The following RGL3 variants were observed in gnomAD, a reference collection of about 807,000 sequenced individuals.
RGL3 encodes the protein ral guanine nucleotide dissociation stimulator like 3, also known as ral guanine nucleotide dissociation stimulator-like 3.
RGL3 carries 85 observed loss-of-function variants against 90.6 expected under a neutral mutation model. The observed-to-expected ratio is 0.94, with a 90% confidence interval of 0.79 to 1.12. The LOEUF is 1.12. Ranked by LOEUF, RGL3 falls within the 50% of genes most tolerant of loss-of-function variation. The pLI, the probability that RGL3 is intolerant of heterozygous loss-of-function variation, is 0.00. For missense variants in RGL3, 1,034 were observed against 939.2 expected (o/e 1.10, Z -1.32); for synonymous variants, 408 against 385.5 (o/e 1.06, Z -0.68).
chr19:11,418,488 T>C (rs1261429231), intron 2 of RGL3, 183 bp downstream of exon 2: 5 of 571,702 alleles, frequency 8.7e-6, no homozygotes, highest in Non-Finnish European at 1.2e-5. Flanking sequence ...CCCCATTCCC[T>C]GGATCTCCCC....
chr19:11,419,104 G>A (rs1015089486), intron 1 of RGL3, 142 bp downstream of exon 1: 18 of 900,412 alleles, frequency 2.0e-5, no homozygotes, highest in Admixed American at 7.7e-5. Flanking sequence ...GCTTCACTGG[G>A]TCAAGGGCCG....
intron 5 of RGL3, among the ~76,000 whole-genome samples, chr19:11,414,511 A>AGG (rs1568342040): frequency 8.6e-6 from 1 of 116,522 alleles, no homozygotes; most frequent in African/African-American, 3.5e-5. Context: ...ATATATATAT[A>AGG]TATATATATA....
At chr19:11,417,330 T>G (rs1969020968) in intron 2 of RGL3, among the ~76,000 whole-genome samples, 3 of 151,282 alleles carry the variant, frequency 2.0e-5, no homozygotes, top group Admixed American at 2.0e-4. Flanking sequence ...TTTGTATTTT[T>G]GTAGAGATAG....
Position 11,399,969 on chromosome 19 carries a change from G to T in RGL3, c.1650-18C>A. 6.4e-7 allele frequency: 1 copy of T among 1,570,260 alleles called. No individual in the cohort carries two copies. Reference sequence around the variant, plus strand: ...GGGACACACTGGGGGAGATGCAGAGGCTGAGGTGGGGTGGCTGTGCTGACT... The same window carrying T: ...GGGACACACTGGGGGAGATGCAGAGTCTGAGGTGGGGTGGCTGTGCTGACT... On this transcript the variant is annotated intron_variant, in intron 15 of 18. Coordinates refer to ENST00000380456, the MANE Select transcript of RGL3 (RefSeq NM_001035223.4).
chr19:11,399,057 C>T (rs958584054), intron 16 of RGL3, among the ~76,000 whole-genome samples: 96 of 152,064 alleles, frequency 6.3e-4, no homozygotes, highest in African/African-American at 2.2e-3. Flanking sequence ...CAAACTCAAG[C>T]GATCCTTCCA....
intron 7 of RGL3, 75 bp downstream of exon 7, chr19:11,406,344 T>A: frequency 1.4e-6 from 2 of 1,386,722 alleles, no homozygotes; most frequent in Non-Finnish European, 1.9e-6. Flanking sequence ...CGCCCCTATC[T>A]CTCTCCGGAG....
Position 11,400,120 on chromosome 19 carries a change from G to A in RGL3, c.1581-12C>T. 6.2e-7 allele frequency: 1 copy of A among 1,605,874 alleles called. No homozygotes were observed. The highest frequency in any genetic ancestry group is 2.2e-5 in the East Asian group (1 of 44,556). Reference sequence around the variant, plus strand: ...CTCGGGCAAGCTTCCTAAGGATGGGGACAGGGGATGAGGCTAAGGCAGGAG... The same window carrying A: ...CTCGGGCAAGCTTCCTAAGGATGGGAACAGGGGATGAGGCTAAGGCAGGAG... On this transcript the variant is annotated splice_polypyrimidine_tract_variant and intron_variant, in intron 14 of 18. Transcript: ENST00000380456.
chr19:11,408,724 C>T (rs1968824335), intron 5 of RGL3: 1 of 152,200 alleles, frequency 6.6e-6, no homozygotes, highest in African/African-American at 2.4e-5. Context: ...TGCCCTCTAG[C>T]CTCCAAATGT....
rs190015240 is a variant in RGL3, at chr19:11,413,370, T to C, written c.637+2567A>G. 1.1e-3 allele frequency among the ~76,000 whole-genome samples: 168 copies of C among 151,548 alleles called. 1 individual carries two copies. Among genetic ancestry groups the C allele is most frequent in the African/African-American group, 3.9e-3 (162 of 41,312 alleles). On this transcript the variant is annotated intron_variant, in intron 5 of 18. Transcript: ENST00000380456. ...GACCAACATAGTGAAACGCTGTCTCTAATAAAAATACAAAATTAGCTGGGT... is the reference window on the plus strand; with the variant it reads ...GACCAACATAGTGAAACGCTGTCTCCAATAAAAATACAAAATTAGCTGGGT...
At chr19:11,405,923 TCTCA>T (rs1221327043) in intron 7 of RGL3, among the ~76,000 whole-genome samples, 3 of 150,824 alleles carry the variant, frequency 2.0e-5, no homozygotes, top group African/African-American at 4.9e-5. Flanking sequence ...GAAACATTGG[TCTCA>T]CTATGTTGCC....
chr19:11,404,710 A>C (rs11881686), intron 9 of RGL3, among the ~76,000 whole-genome samples: 2,336 of 152,212 alleles, frequency 0.015, 59 homozygotes, highest in African/African-American at 0.053. Flanking sequence ...GGGGTGGAGA[A>C]TGTTCCAGGC....
chr19:11,415,422 C>A (rs568501570), intron 5 of RGL3, among the ~76,000 whole-genome samples: 1 of 151,750 alleles, frequency 6.6e-6, no homozygotes, highest in African/African-American at 2.4e-5. Context: ...GCATCCTGAC[C>A]CAACGGCACC....
Position 11,397,438 on chromosome 19 carries a change from C to A in RGL3, c.1899+7G>T, listed in dbSNP as rs368194005. The A allele has an allele frequency of 4.4e-6, 7 of 1,600,782 alleles. No homozygotes were observed. The highest frequency in any genetic ancestry group is 2.2e-5 in the East Asian group (1 of 44,692). On this transcript the variant is annotated splice_region_variant and intron_variant, in intron 17 of 18. Coordinates refer to ENST00000380456, the MANE Select transcript of RGL3 (RefSeq NM_001035223.4). ...GCCTCCAGCAGACCCCCAGCCCAGC[C>A]CCTCACCAAGATGCTTCGATACAGG...
At position 11,402,521 on chromosome 19, in the gene RGL3, G is replaced by C. The variant is rs1390869745; in HGVS notation, c.1263C>G (p.Val421=). ...CCGTAAGGAAGGTGCCAAGGTAGGG[G>C]ACAGGGCCTGGGGGTGGTTTCTGCA... The part of the protein sequence containing the change: ...SLPSKPPPGP[V]PYLGTFLTDL... The change falls in exon 11 of 19, where the codon GTC becomes GTG. Residue 421 remains valine (V), a synonymous_variant. Coordinates refer to ENST00000380456, the MANE Select transcript of RGL3 (RefSeq NM_001035223.4). The C allele has an allele frequency of 1.9e-6, 3 of 1,605,834 alleles. No homozygotes were observed. Among genetic ancestry groups the C allele is most frequent in the African/African-American group, 1.3e-5 (1 of 74,364 alleles).
chr19:11,401,395 A>ATT (rs539872627), intron 13 of RGL3, among the ~76,000 whole-genome samples: 12 of 136,112 alleles, frequency 8.8e-5, no homozygotes, highest in Admixed American at 1.5e-4. Context: ...CATTCAGCTA[A>ATT]TTTTTTTTTT....
Position 11,418,766 on chromosome 19 carries a change from C to T in RGL3, c.52G>A (p.Gly18Ser), listed in dbSNP as rs763696201. The T allele has an allele frequency of 1.6e-4, 250 of 1,560,666 alleles. 4 individuals carry two copies. The highest frequency in any genetic ancestry group is 1.2e-3 in the South Asian group (100 of 85,358). The change falls in exon 2 of 19, where the codon GGT (glycine) becomes AGT (serine). Residue 18 changes from glycine (G) to serine (S), a missense_variant. Physicochemically the swap from Gly to Ser is moderately conservative, Grantham distance 56. Coordinates refer to ENST00000380456, the MANE Select transcript of RGL3 (RefSeq NM_001035223.4). ...ACCGCGCCGTCCTCGGTCTCTTCACCCCAGTCCTGCAGCGGTGCCTGGACG... is the reference window on the plus strand; with the variant it reads ...ACCGCGCCGTCCTCGGTCTCTTCACTCCAGTCCTGCAGCGGTGCCTGGACG... ...ELALAPLQDW[G>S]EETEDGAVYS...
At chr19:11,397,688 C>A in intron 16 of RGL3, 91 bp from the exon 17 acceptor site, 3 of 1,220,326 alleles carry the variant, frequency 2.5e-6, no homozygotes, top group Non-Finnish European at 3.3e-6. Context: ...ACCACTGGTG[C>A]ATTCAATAGC....
At chr19:11,411,587 A>T (rs1407593952) in intron 5 of RGL3, 1 of 152,234 alleles carries the variant, frequency 6.6e-6, no homozygotes, top group East Asian at 1.9e-4. Flanking sequence ...AGGTTCAGGC[A>T]CAAACAGGGG....
intron 5 of RGL3, among the ~76,000 whole-genome samples, chr19:11,414,510 T>TATACACCTTC (rs1968956185): frequency 5.2e-5 from 6 of 115,754 alleles, no homozygotes; most frequent in African/African-American, 2.1e-4. Flanking sequence ...TATATATATA[T>TATACACCTTC]ATATATATAT....
Sources: allele counts gnomAD v4.1 joint callset (sites outside exome capture counted in the v4.1 genomes callset), GRCh38; gene constraint gnomAD v4.1.1; transcripts MANE v1.5; gene names NCBI Gene and HGNC (gene_info 2026-07-23, HGNC 2026-07-21).